The following ITGA6 variants were observed in gnomAD, a reference collection of about 807,000 sequenced individuals.
ITGA6 encodes integrin subunit alpha 6, also known as integrin alpha-6.
A neutral mutation model predicts 133.6 loss-of-function variants in ITGA6; 63 were observed. The observed-to-expected ratio is 0.47, with a 90% CI of 0.38 to 0.58. The LOEUF (loss-of-function observed/expected upper bound fraction) is 0.58. Among genes scored for constraint, ITGA6 ranks in the 20% least tolerant of loss-of-function variants. The pLI is 0.00. For synonymous variants in ITGA6, 434 were observed against 482.0 expected (o/e 0.90, Z 1.30); for missense variants, 1,068 against 1,309.4 (o/e 0.82, Z 2.85).
intron 1 of ITGA6, among the ~76,000 whole-genome samples, chr2:172,449,303 A>G (rs2149013540): frequency 6.6e-6 from 1 of 152,334 alleles, no homozygotes; most frequent in Middle Eastern, 3.4e-3. Context: ...GGATTTTGTA[A>G]TTATAGAATG....
At chr2:172,487,222 G>A in intron 14 of ITGA6, 42 bp from the exon 15 acceptor site, 1 of 1,566,726 alleles carries the variant, frequency 6.4e-7, no homozygotes. Flanking sequence ...GAAACGTATT[G>A]AGGACTTTGC....
At chr2:172,481,067 C>T (rs1482526950) in intron 11 of ITGA6, 2 of 152,172 alleles carry the variant, frequency 1.3e-5, no homozygotes, top group African/African-American at 4.8e-5. Flanking sequence ...CAACCCGGGT[C>T]CGGCCATGGT....
chr2:172,475,763 T>A (rs1036787468), intron 8 of ITGA6, 78 bp downstream of exon 8: 7 of 819,764 alleles, frequency 8.5e-6, no homozygotes, highest in Non-Finnish European at 1.5e-5. Flanking sequence ...TTTAAGTGAC[T>A]TTTCACACAA....
chr2:172,441,793 G>A (rs949848701), intron 1 of ITGA6, among the ~76,000 whole-genome samples: 1 of 152,214 alleles, frequency 6.6e-6, no homozygotes, highest in African/African-American at 2.4e-5. Context: ...TGGAGACCTA[G>A]GATTTGTCAT....
At chr2:172,499,873 G>A (rs745495872) in intron 24 of ITGA6, among the ~76,000 whole-genome samples, 9 of 152,008 alleles carry the variant, frequency 5.9e-5, no homozygotes, top group Non-Finnish European at 8.8e-5. Context: ...TGTTTGCCTC[G>A]TCTGTTAAAT....
At position 172,487,464 on chromosome 2, in the gene ITGA6, T is replaced by G. The variant is rs1559149426; in HGVS notation, c.2160+11T>G. Reference sequence around the variant, plus strand: ...CTGAGGGCTTTCCCTGTAAGTATTGTTAGAGACCAGCTGAGAGGGGAAAAA... The same window carrying G: ...CTGAGGGCTTTCCCTGTAAGTATTGGTAGAGACCAGCTGAGAGGGGAAAAA... On this transcript the variant is annotated intron_variant, in intron 15 of 25. Coordinates refer to ENST00000684293, the MANE Select transcript of ITGA6 (RefSeq NM_000210.4). The G allele has an allele frequency of 6.2e-7, 1 of 1,613,074 alleles. No individual in the cohort carries two copies. Among genetic ancestry groups the G allele is most frequent in the Admixed American group, 1.7e-5 (1 of 60,026 alleles).
chr2:172,476,596 CATACCT>C, intron 9 of ITGA6, 83 bp downstream of exon 9: 1 of 823,812 alleles, frequency 1.2e-6, no homozygotes, highest in Non-Finnish European at 2.2e-6. Context: ...TGAAATTTGT[CATACCT>C]ATACTTCAAA....
At chr2:172,440,444 TG>T (rs1684494422) in intron 1 of ITGA6, among the ~76,000 whole-genome samples, 1 of 152,240 alleles carries the variant, frequency 6.6e-6, no homozygotes, top group Non-Finnish European at 1.5e-5. Context: ...TTAAAGTGTA[TG>T]ATTCAGTATT....
intron 19 of ITGA6, among the ~76,000 whole-genome samples, chr2:172,488,513 T>C (rs1177278940): frequency 6.6e-6 from 1 of 152,218 alleles, no homozygotes; most frequent in African/African-American, 2.4e-5. Flanking sequence ...CTGCTTGTGG[T>C]TGAAAGAATA....
At chr2:172,429,459 TTC>T (rs35444515) in intron 1 of ITGA6, among the ~76,000 whole-genome samples, 18,431 of 152,198 alleles carry the variant, frequency 0.12, 1,226 homozygotes, top group Admixed American at 0.17. Flanking sequence ...CTCCTGGGCA[TTC>T]TCTCTCTGCA....
chr2:172,493,994 T>G (rs1175087006), intron 23 of ITGA6, among the ~76,000 whole-genome samples: 1 of 152,226 alleles, frequency 6.6e-6, no homozygotes, highest in African/African-American at 2.4e-5. Flanking sequence ...GTTACTGGTC[T>G]CATATCTAGA....
At position 172,441,558 on chromosome 2, in the gene ITGA6, TTAAAAAAAAAAA is replaced by T. The variant is rs1374217251; in HGVS notation, c.182+13589_182+13600del. Among the ~76,000 whole-genome samples the T allele has an allele frequency of 7.2e-4, 47 of 64,840 alleles. 2 individuals carry two copies. The highest frequency in any genetic ancestry group is 2.8e-3 in the African/African-American group (45 of 16,034). The allele number at this position is 64,840 out of a possible 152,430, so 42.5% of individuals were successfully genotyped here. ...GTAACAGAGTGGAGACGCTGTCTCT[TTAAAAAAAAAAA>T]AAAAAAAAAAAAAAAAAAAAAAAAA... On this transcript the variant is annotated intron_variant, in intron 1 of 25. Transcript: ENST00000684293.
At chr2:172,469,725 TAGG>T (rs1211784348) in intron 4 of ITGA6, among the ~76,000 whole-genome samples, 3 of 152,136 alleles carry the variant, frequency 2.0e-5, no homozygotes, top group African/African-American at 7.2e-5. Flanking sequence ...TCTGAAAACT[TAGG>T]AGGATTAAAT....
chr2:172,485,320 A>G, intron 13 of ITGA6, 56 bp downstream of exon 13: 25 of 1,468,496 alleles, frequency 1.7e-5, no homozygotes, highest in Non-Finnish European at 2.3e-5. Context: ...ATGATGCTAA[A>G]TCAAATGTCT....
intron 11 of ITGA6, 70 bp from the exon 12 acceptor site, chr2:172,484,712 G>C: frequency 2.4e-6 from 3 of 1,239,806 alleles, no homozygotes; most frequent in Non-Finnish European, 3.6e-6. Context: ...ATCTTAAAAG[G>C]AGTTCAACAT....
intron 5 of ITGA6, 148 bp downstream of exon 5, chr2:172,471,253 G>A (rs1685922283): frequency 1.2e-6 from 1 of 860,078 alleles, no homozygotes; most frequent in Non-Finnish European, 1.8e-6. Context: ...GATAAGCTTG[G>A]TGATCTAGAG....
At chr2:172,455,985 CA>C (rs1685191095) in intron 1 of ITGA6, among the ~76,000 whole-genome samples, 1 of 151,688 alleles carries the variant, frequency 6.6e-6, no homozygotes, top group Non-Finnish European at 1.5e-5. Flanking sequence ...TTTTCTTCAC[CA>C]GGTGGGGAAG....
At chr2:172,467,588 A>G in intron 3 of ITGA6, 28 bp downstream of exon 3, 1 of 1,556,336 alleles carries the variant, frequency 6.4e-7, no homozygotes, top group Non-Finnish European at 8.9e-7. Flanking sequence ...TGTTCATCCT[A>G]TACTGTTGGA....
At position 172,427,612 on chromosome 2, in the gene ITGA6, T is replaced by C; in HGVS notation, c.-177T>C. The C allele has an allele frequency of 7.8e-7, 1 of 1,277,448 alleles. No homozygotes were observed. The highest frequency in any genetic ancestry group is 9.8e-7 in the Non-Finnish European group (1 of 1,015,506). The allele number at this position is 1,277,448 out of a possible 1,614,324, so 79.1% of individuals were successfully genotyped here. ...ACGGGCTCATTCAGCGGTCGCGAGCTGCCCGCGAGGGGGAGCGGCCGGACG... is the reference window on the plus strand; with the variant it reads ...ACGGGCTCATTCAGCGGTCGCGAGCCGCCCGCGAGGGGGAGCGGCCGGACG... On this transcript the variant is annotated 5_prime_UTR_variant, in exon 1 of 26. Coordinates refer to ENST00000684293, the MANE Select transcript of ITGA6 (RefSeq NM_000210.4).
Sources: allele counts gnomAD v4.1 joint callset (sites outside exome capture counted in the v4.1 genomes callset), GRCh38; gene constraint gnomAD v4.1.1; transcripts MANE v1.5; gene names NCBI Gene and HGNC (gene_info 2026-07-23, HGNC 2026-07-21).